MICU3: variants seen among roughly 807,000 people sequenced by gnomAD.
The protein encoded by MICU3 is calcium uptake protein 3, mitochondrial.
MICU3 carries 62 observed loss-of-function variants against 66.5 expected under a neutral mutation model. That is an observed-to-expected ratio of 0.93 (90% confidence interval 0.76 to 1.15). The LOEUF (loss-of-function observed/expected upper bound fraction) is 1.15, where lower values mean the gene tolerates loss of function less well. Among genes scored for constraint, MICU3 ranks in the 50% most tolerant of loss-of-function variants. The pLI, the probability that MICU3 is intolerant of heterozygous loss-of-function variation, is 0.00. For synonymous variants in MICU3, 308 were observed against 240.7 expected, an observed-to-expected ratio of 1.28 and a Z score of -2.59; for missense variants, 779 against 664.4, an observed-to-expected ratio of 1.17 and a Z score of -1.90.
intron 11 of MICU3, among the ~76,000 whole-genome samples, chr8:17,110,181 A>G (rs1178050636): frequency 1.3e-5 from 2 of 152,184 alleles, no homozygotes; most frequent in East Asian, 3.9e-4. Context: ...TATTTAGTCA[A>G]TACTTTATTG....
At chr8:17,066,069 G>A (rs1033265683) in intron 2 of MICU3, among the ~76,000 whole-genome samples, 4 of 145,974 alleles carry the variant, frequency 2.7e-5, no homozygotes, top group Non-Finnish European at 4.5e-5. Context: ...ATTAAGTAGA[G>A]TTCTTTTTTT....
chr8:17,100,824 T>A (rs1245467551), intron 9 of MICU3, among the ~76,000 whole-genome samples: 1 of 151,720 alleles, frequency 6.6e-6, no homozygotes, highest in African/African-American at 2.4e-5. Flanking sequence ...TATAATAAAT[T>A]CTTAGTGCAG....
chr8:17,077,488 T>C (rs1219291598), intron 3 of MICU3, among the ~76,000 whole-genome samples: 1 of 152,210 alleles, frequency 6.6e-6, no homozygotes, highest in African/African-American at 2.4e-5. Context: ...TTAAACTCAC[T>C]GTTTTATCTT....
chr8:17,069,138 G>A (rs889483631), intron 2 of MICU3, among the ~76,000 whole-genome samples: 1 of 152,064 alleles, frequency 6.6e-6, no homozygotes, highest in Non-Finnish European at 1.5e-5. Context: ...TAGTTGTAGG[G>A]AAGAGTAATG....
intron 1 of MICU3, among the ~76,000 whole-genome samples, chr8:17,063,818 C>T (rs1319163728): frequency 1.3e-5 from 2 of 151,762 alleles, no homozygotes; most frequent in African/African-American, 4.8e-5. Context: ...AAGAAATAAA[C>T]CAAAAAAAAA....
intron 1 of MICU3, among the ~76,000 whole-genome samples, chr8:17,030,443 C>CA (rs1395517353): frequency 1.3e-5 from 2 of 152,180 alleles, no homozygotes; most frequent in Non-Finnish European, 2.9e-5. Flanking sequence ...TGAGCGTCTA[C>CA]AAAAAATAGG....
At chr8:17,088,524 T>C (rs1329945832) in intron 7 of MICU3, among the ~76,000 whole-genome samples, 1 of 151,954 alleles carries the variant, frequency 6.6e-6, no homozygotes, top group South Asian at 2.1e-4. Context: ...AATAGGCAAG[T>C]TGTTAATAAA....
intron 1 of MICU3, among the ~76,000 whole-genome samples, chr8:17,045,889 A>G (rs1814987602): frequency 6.6e-6 from 1 of 152,166 alleles, no homozygotes; most frequent in Non-Finnish European, 1.5e-5. Context: ...TGAGAACAGC[A>G]TGGGAAAGAC....
At chr8:17,042,016 G>A (rs564303036) in intron 1 of MICU3, among the ~76,000 whole-genome samples, 152 of 152,156 alleles carry the variant, frequency 1.0e-3, no homozygotes, top group Non-Finnish European at 1.9e-3. Context: ...TTCATGTTTT[G>A]TAATTGCAAG....
chr8:17,136,933 C>A, the MICU3 span, among the ~76,000 whole-genome samples: 11 of 151,316 alleles, frequency 7.3e-5, no homozygotes, highest in South Asian at 2.1e-4. Flanking sequence ...CTCCTGGGTT[C>A]AAGTGATTCT....
At chr8:17,071,195 C>A (rs1819534964) in intron 3 of MICU3, among the ~76,000 whole-genome samples, 1 of 152,108 alleles carries the variant, frequency 6.6e-6, no homozygotes, top group South Asian at 2.1e-4. Context: ...TACTGGAAGT[C>A]TGGGCTAGTA....
At chr8:17,128,339 T>G in the MICU3 span, among the ~76,000 whole-genome samples, 1 of 151,328 alleles carries the variant, frequency 6.6e-6, no homozygotes, top group African/African-American at 2.4e-5. Context: ...TTAAAAGAAT[T>G]CAACCAAATC....
intron 1 of MICU3, among the ~76,000 whole-genome samples, chr8:17,033,494 G>A (rs1812434447): frequency 6.6e-6 from 1 of 151,760 alleles, no homozygotes; most frequent in Non-Finnish European, 1.5e-5. Flanking sequence ...GGAGTGCAGT[G>A]GCGTGATCTC....
chr8:17,105,766 G>A lies in MICU3; in HGVS notation c.1257+182G>A, dbSNP rs563275375. Among the ~76,000 whole-genome samples, 39 of 151,900 alleles carry A rather than the reference G, an allele frequency of 2.6e-4. 1 individual carries two copies. In the South Asian group the frequency reaches 7.7e-3, roughly 30 times the overall value. ...AAAAATAAATTAATTGTATATTCTG[G>A]TTAGATATCCACATTTTTCTTAGGT... On this transcript the variant is annotated intron_variant, in intron 11 of 14. Transcript: ENST00000318063.
chr8:17,119,295 C>G (rs1457937799), intron 14 of MICU3, among the ~76,000 whole-genome samples: 1 of 152,052 alleles, frequency 6.6e-6, no homozygotes, highest in Admixed American at 6.6e-5. Flanking sequence ...ACTTATTATT[C>G]CTTATCACAT....
At chr8:17,113,477 C>CT (rs1802394261) in intron 11 of MICU3, among the ~76,000 whole-genome samples, 1 of 152,222 alleles carries the variant, frequency 6.6e-6, no homozygotes, top group African/African-American at 2.4e-5. Context: ...ACCACCAGTC[C>CT]TTTACATTAT....
intron 4 of MICU3, among the ~76,000 whole-genome samples, chr8:17,079,904 T>C (rs1820920579): frequency 6.6e-6 from 1 of 152,152 alleles, no homozygotes; most frequent in Non-Finnish European, 1.5e-5. Context: ...AAAACATGTA[T>C]TGTAGAGACT....
intron 11 of MICU3, among the ~76,000 whole-genome samples, chr8:17,112,662 A>G (rs1456557018): frequency 6.6e-6 from 1 of 152,224 alleles, no homozygotes; most frequent in East Asian, 1.9e-4. Context: ...TGAACATTAT[A>G]GTCTGTCATT....
intron 1 of MICU3, among the ~76,000 whole-genome samples, chr8:17,029,204 G>A (rs1811574511): frequency 6.6e-6 from 1 of 152,208 alleles, no homozygotes; most frequent in Non-Finnish European, 1.5e-5. Flanking sequence ...GGCTGAGCGT[G>A]GTGGCTCACG....
Sources: allele counts gnomAD v4.1 joint callset (sites outside exome capture counted in the v4.1 genomes callset), GRCh38; gene constraint gnomAD v4.1.1; transcripts MANE v1.5; gene names NCBI Gene and HGNC (gene_info 2026-07-23, HGNC 2026-07-21).